The following DMD variants were observed in gnomAD, a reference collection of about 807,000 sequenced individuals.
DMD encodes dystrophin.
A neutral mutation model predicts 330.1 loss-of-function variants in DMD; 63 were observed. The ratio of observed to expected loss-of-function variants is 0.19; its 90% CI spans 0.16 to 0.24. The LOEUF (loss-of-function observed/expected upper bound fraction) is 0.24. Among genes scored for constraint, DMD ranks in the 10% least tolerant of loss-of-function variants. The pLI is 1.00. For synonymous variants in DMD, 1,223 were observed against 959.8 expected, an observed-to-expected ratio of 1.27 and a Z score of -5.07; for missense variants, 3,344 against 2,684.1, an observed-to-expected ratio of 1.25 and a Z score of -5.43.
At chrX:33,268,350 A>G (rs550170203) in intron 1 of DMD, among the ~76,000 whole-genome samples, 2 of 111,485 alleles carry the variant, frequency 1.8e-5, no homozygotes, top group South Asian at 7.5e-4. Context: ...AATTGACAAG[A>G]GGGACCTAAT....
chrX:31,786,668 T>G (rs1383303047), intron 50 of DMD, among the ~76,000 whole-genome samples: 1 of 111,683 alleles, frequency 9.0e-6, no homozygotes, highest in Non-Finnish European at 1.9e-5. Context: ...GTGGTGTGGT[T>G]GCATTGACTC....
rs144296911 is a variant in DMD, at chrX:32,090,692, G to A, written c.6439-122178C>T. On this transcript the variant is annotated intron_variant, in intron 44 of 78. Coordinates refer to ENST00000357033, the MANE Select transcript of DMD (RefSeq NM_004006.3). ...TTACCCTCACACACTCAGGTATCCA[G>A]TTTCTGAAAAGGTAGTACAAGTAAT... Among the ~76,000 whole-genome samples the A allele has an allele frequency of 7.2e-5, 8 of 111,591 alleles. No homozygotes were observed. In the East Asian group the frequency reaches 2.3e-3, roughly 32 times the overall value.
In DMD at chrX:32,595,851, T is replaced by A. The variant is rs1216898737; in HGVS notation, c.1508A>T (p.Glu503Val). Residue 503 changes from glutamate (E) to valine (V), a missense_variant, in exon 13 of 79, where the codon GAA (glutamate) becomes GTA (valine). By Grantham distance (121) the Glu-to-Val change is moderately radical (BLOSUM62 -2). Coordinates refer to ENST00000357033, the MANE Select transcript of DMD (RefSeq NM_004006.3). ...HKVLQEDLEQ[E>V]QVRVNSLTHM... Reference sequence around the variant, plus strand: ...AGTGAGAGAATTGACCCTGACTTGTTCTTGTTCTAGATCTTCTTGAAGCAC... The same window carrying A: ...AGTGAGAGAATTGACCCTGACTTGTACTTGTTCTAGATCTTCTTGAAGCAC... The A allele has an allele frequency of 1.7e-6, 2 of 1,201,857 alleles. No homozygotes were observed. Among genetic ancestry groups the A allele is most frequent in the East Asian group, 5.9e-5 (2 of 33,769 alleles).
At chrX:31,765,136 T>C (rs2089904579) in intron 51 of DMD, among the ~76,000 whole-genome samples, 2 of 110,208 alleles carry the variant, frequency 1.8e-5, no homozygotes. Context: ...CATTAAAACA[T>C]ATGCAAAAAT....
intron 1 of DMD, among the ~76,000 whole-genome samples, chrX:33,087,117 G>T (rs2095019201): frequency 9.0e-6 from 1 of 111,690 alleles, no homozygotes; most frequent in Non-Finnish European, 1.9e-5. Context: ...GAGGAAACTT[G>T]TCAGTCAGGA....
chrX:31,189,690 T>C (rs2042131003), intron 67 of DMD, among the ~76,000 whole-genome samples: 1 of 112,023 alleles, frequency 8.9e-6, no homozygotes, highest in East Asian at 2.8e-4. Context: ...GGAGTCTCTG[T>C]TAAAATCTGC....
At chrX:32,841,882 G>A (rs2080191545) in intron 4 of DMD, among the ~76,000 whole-genome samples, 1 of 111,849 alleles carries the variant, frequency 8.9e-6, no homozygotes, top group South Asian at 3.7e-4. Context: ...AACCATTGAA[G>A]TGAGTAAAAA....
chrX:33,310,205 A>T (rs1051376831), intron 1 of DMD, among the ~76,000 whole-genome samples: 1 of 111,585 alleles, frequency 9.0e-6, no homozygotes, highest in Non-Finnish European at 1.9e-5. Context: ...CCAATACAGA[A>T]ATAATTTATT....
chrX:31,741,815 G>T (rs189635419), intron 51 of DMD, among the ~76,000 whole-genome samples: 95 of 111,523 alleles, frequency 8.5e-4, no homozygotes, highest in Non-Finnish European at 1.6e-3. Context: ...GCCAGGCATT[G>T]ACTTCTCTCT....
intron 74 of DMD, among the ~76,000 whole-genome samples, chrX:31,157,818 T>C (rs779693703): frequency 1.6e-4 from 17 of 109,035 alleles, no homozygotes; most frequent in African/African-American, 5.3e-4. Flanking sequence ...TTTTTTCTTT[T>C]TTTGAGACAG....
chrX:33,274,339 A>G (rs2053203657), intron 1 of DMD, among the ~76,000 whole-genome samples: 1 of 112,141 alleles, frequency 8.9e-6, no homozygotes, highest in Admixed American at 9.5e-5. Context: ...AGCTGAAAAT[A>G]TTTAGAAAAT....
At position 32,614,063 on chromosome X, in the gene DMD, T is replaced by C. The variant is rs150519396; in HGVS notation, c.1482+240A>G. 0.011 allele frequency among the ~76,000 whole-genome samples: 1,177 copies of C among 110,858 alleles called. 15 individuals are homozygous for C. The highest frequency in any genetic ancestry group is 0.037 in the African/African-American group (1,130 of 30,584). ...CCTATTCTTAAGGGAGGAGCCCTGA[T>C]GGATTATTCACCCTTAAATATTCCA... On this transcript the variant is annotated intron_variant, in intron 12 of 78. Coordinates refer to ENST00000357033, the MANE Select transcript of DMD (RefSeq NM_004006.3).
At chrX:32,176,902 CT>C (rs1354898031) in intron 44 of DMD, among the ~76,000 whole-genome samples, 1 of 111,538 alleles carries the variant, frequency 9.0e-6, no homozygotes, top group Non-Finnish European at 1.9e-5. Context: ...CTCTTTTCCT[CT>C]CCCCTTATGC....
At chrX:32,776,305 C>A (rs1191722229) in intron 7 of DMD, among the ~76,000 whole-genome samples, 2 of 107,048 alleles carry the variant, frequency 1.9e-5, no homozygotes, top group Non-Finnish European at 3.9e-5. Flanking sequence ...ATTGTTCCAA[C>A]CTCTGCCAGT....
chrX:31,357,054 G>A (rs1021670149), intron 60 of DMD, among the ~76,000 whole-genome samples: 2 of 107,768 alleles, frequency 1.9e-5, no homozygotes, highest in African/African-American at 3.4e-5. Flanking sequence ...TTTTCCTAAT[G>A]TATCTCATGA....
chrX:32,382,509 T>C (rs2097931254), intron 33 of DMD, among the ~76,000 whole-genome samples: 1 of 111,490 alleles, frequency 9.0e-6, no homozygotes. Flanking sequence ...ACAATTCCAA[T>C]TCCAAATAAT....
intron 44 of DMD, among the ~76,000 whole-genome samples, chrX:32,033,657 A>AAAGAAAG (rs2095911235): frequency 1.4e-5 from 1 of 71,660 alleles, no homozygotes; most frequent in Non-Finnish European, 2.6e-5. Flanking sequence ...AAGAAAGAAG[A>AAAGAAAG]AAGAAAGAAA....
intron 55 of DMD, among the ~76,000 whole-genome samples, chrX:31,571,283 G>GTT (rs2075805017): frequency 1.0e-5 from 1 of 97,547 alleles, no homozygotes; most frequent in Non-Finnish European, 2.2e-5. Flanking sequence ...GTGTGTGTGT[G>GTT]TGTGTGTGTG....
chrX:31,342,871 G>A (rs2057850443), intron 61 of DMD, among the ~76,000 whole-genome samples: 1 of 111,676 alleles, frequency 9.0e-6, no homozygotes, highest in Non-Finnish European at 1.9e-5. Flanking sequence ...CCACCTCCAG[G>A]GTTCAAGCCA....
Sources: allele counts gnomAD v4.1 joint callset (sites outside exome capture counted in the v4.1 genomes callset), GRCh38; gene constraint gnomAD v4.1.1; transcripts MANE v1.5; gene names NCBI Gene and HGNC (gene_info 2026-07-23, HGNC 2026-07-21).